TBL1X: variants seen among roughly 807,000 people sequenced by gnomAD.
The protein encoded by TBL1X is transducin beta like 1 X-linked.
A neutral mutation model predicts 50.7 loss-of-function variants in TBL1X; 10 were observed. That is an observed-to-expected ratio of 0.20 (90% CI 0.12 to 0.33). The LOEUF (loss-of-function observed/expected upper bound fraction) is 0.33. Ranked by LOEUF, TBL1X falls within the 10% of genes least tolerant of loss-of-function variation. The probability of loss-of-function intolerance (pLI) is 1.00; values close to 1 mark genes in which losing one functional copy is unlikely to be tolerated. For synonymous variants in TBL1X, 190 were observed against 214.7 expected (o/e 0.88, Z 1.01); for missense variants, 340 against 504.4 (o/e 0.67, Z 3.12).
intron 8 of TBL1X, 58 bp from the exon 9 acceptor site, chrX:9,692,055 A>G: frequency 1.7e-6 from 2 of 1,207,885 alleles, no homozygotes; most frequent in Non-Finnish European, 2.2e-6. Context: ...CAAGCTGTGG[A>G]GAGCTTCTTA....
intron 2 of TBL1X, among the ~76,000 whole-genome samples, chrX:9,639,162 T>G (rs2082762669): frequency 9.0e-6 from 1 of 111,232 alleles, no homozygotes; most frequent in Admixed American, 9.6e-5. Flanking sequence ...CTTGTAGGTT[T>G]TTTTTTAATC....
chrX:9,704,516 C>T (rs779740169), intron 12 of TBL1X, among the ~76,000 whole-genome samples: 3 of 111,442 alleles, frequency 2.7e-5, no homozygotes, highest in East Asian at 2.8e-4. Flanking sequence ...TCCCTGCCAA[C>T]GTGGCAGGAG....
intron 5 of TBL1X, among the ~76,000 whole-genome samples, chrX:9,657,652 C>T (rs2082872069): frequency 8.9e-6 from 1 of 112,671 alleles, no homozygotes; most frequent in Admixed American, 9.4e-5. Flanking sequence ...ATTTCCCTAC[C>T]TGTGTGGATT....
chrX:9,589,406 T>A (rs1258223797), intron 2 of TBL1X, among the ~76,000 whole-genome samples: 1 of 108,519 alleles, frequency 9.2e-6, no homozygotes, highest in Non-Finnish European at 1.9e-5. Flanking sequence ...CCCTTGTAGA[T>A]GCTACAAGGG....
At chrX:9,658,804 GT>G (rs1024829060) in intron 5 of TBL1X, among the ~76,000 whole-genome samples, 5 of 111,172 alleles carry the variant, frequency 4.5e-5, no homozygotes, top group African/African-American at 1.6e-4. Context: ...GAAAAATTTT[GT>G]TTTTTGAGAC....
chrX:9,519,725 T>C (rs1170601648), intron 2 of TBL1X, among the ~76,000 whole-genome samples: 1 of 111,933 alleles, frequency 8.9e-6, no homozygotes, highest in Non-Finnish European at 1.9e-5. Flanking sequence ...ATTTTCTTTC[T>C]TGACTTCTCC....
rs945879229 is a variant in TBL1X, at chrX:9,518,709, A to G, written c.-131+16860A>G. ...GTCATCTGAAAGATGACCTTTGTTCATGGCCTTTTTCTGTATCCTCCTCAG... is the reference window on the plus strand; with the variant it reads ...GTCATCTGAAAGATGACCTTTGTTCGTGGCCTTTTTCTGTATCCTCCTCAG... On this transcript the variant is annotated intron_variant, in intron 2 of 17. Transcript: ENST00000645353. Among the ~76,000 whole-genome samples the G allele has an allele frequency of 8.1e-5, 9 of 110,916 alleles. No individual in the cohort carries two copies. The Admixed American group carries it at 8.6e-4, about 11-fold the overall frequency.
At chrX:9,489,562 G>A (rs1468766174) in intron 1 of TBL1X, among the ~76,000 whole-genome samples, 1 of 111,581 alleles carries the variant, frequency 9.0e-6, no homozygotes, top group Non-Finnish European at 1.9e-5. Context: ...TAGGCTTAGG[G>A]TTGAAATGAT....
At chrX:9,681,604 A>C (rs1009267896) in intron 5 of TBL1X, among the ~76,000 whole-genome samples, 1 of 112,258 alleles carries the variant, frequency 8.9e-6, no homozygotes, top group African/African-American at 3.2e-5. Context: ...TGCGGGAATG[A>C]ATGAGTCAGA....
chrX:9,571,685 TC>T (rs1478603662), intron 2 of TBL1X, among the ~76,000 whole-genome samples: 4 of 112,240 alleles, frequency 3.6e-5, no homozygotes. Context: ...TCTAGGACTT[TC>T]CCAGCTTTCC....
At chrX:9,464,932 T>G (rs1355862228), upstream of TBL1X, 2 of 107,989 alleles carry the variant, frequency 1.9e-5, no homozygotes, top group Non-Finnish European at 3.9e-5. Flanking sequence ...AGGGGCTGGT[T>G]CGGGACGCGG....
In TBL1X at chrX:9,502,875, TAATC is replaced by T. The variant is rs2082008257; in HGVS notation, c.-131+1031_-131+1034del. On this transcript the variant is annotated intron_variant, in intron 2 of 17. Transcript: ENST00000645353. ...GAAGCAGAGAACATCCCTCACCAAATAATCAATCCTGCTGGTGCCTTAATTGTGA... is the reference window on the plus strand; with the variant it reads ...GAAGCAGAGAACATCCCTCACCAAATAATCCTGCTGGTGCCTTAATTGTGA... 3.6e-5 allele frequency among the ~76,000 whole-genome samples: 4 copies of T among 112,346 alleles called. No individual in the cohort carries two copies. In the Admixed American group the frequency reaches 3.8e-4, roughly 11 times the overall value.
intron 12 of TBL1X, among the ~76,000 whole-genome samples, chrX:9,700,499 G>T (rs143604452): frequency 0.012 from 1,335 of 112,062 alleles, 7 homozygotes; most frequent in Non-Finnish European, 0.018. Flanking sequence ...CCTGTGATCT[G>T]GCTGGCCATG....
chrX:9,684,311 G>A, intron 6 of TBL1X, 123 bp downstream of exon 6: 2 of 971,229 alleles, frequency 2.1e-6, no homozygotes, highest in South Asian at 2.4e-5. Context: ...GCGGCAGGGT[G>A]CAGTGGCTCA....
At chrX:9,534,698 G>T (rs1325668343) in intron 2 of TBL1X, among the ~76,000 whole-genome samples, 1 of 111,051 alleles carries the variant, frequency 9.0e-6, no homozygotes. Flanking sequence ...ACGGATGTTG[G>T]TACCTCCCTT....
intron 3 of TBL1X, among the ~76,000 whole-genome samples, chrX:9,641,434 TAA>T (rs773583560): frequency 1.8e-5 from 2 of 112,228 alleles, no homozygotes; most frequent in African/African-American, 3.2e-5. Flanking sequence ...CCTTTTTAGT[TAA>T]AAAAACAAAC....
At chrX:9,531,386 TGTGTGTGTGTGTGTGTTG>T in intron 2 of TBL1X, among the ~76,000 whole-genome samples, 1 of 106,552 alleles carries the variant, frequency 9.4e-6, no homozygotes, top group Non-Finnish European at 1.9e-5. Context: ...TGTGTGTGTG[TGTGTGTGTGTGTGTGTTG>T]GTGTGTGTTG....
intron 2 of TBL1X, among the ~76,000 whole-genome samples, chrX:9,596,445 A>G (rs1037776030): frequency 6.3e-5 from 7 of 111,492 alleles, no homozygotes; most frequent in African/African-American, 2.3e-4. Context: ...ACATTTGGCA[A>G]TATCTAGAGA....
chrX:9,537,963 G>T (rs192009696), intron 2 of TBL1X, among the ~76,000 whole-genome samples: 1 of 111,697 alleles, frequency 9.0e-6, no homozygotes, highest in Non-Finnish European at 1.9e-5. Context: ...GAGGCCACTC[G>T]AGGCAGGGGG....
Sources: gnomAD v4.1 joint callset for allele counts (sites outside exome capture counted in the v4.1 genomes callset) on GRCh38, gnomAD v4.1.1 for gene constraint, MANE v1.5 for transcripts, NCBI Gene and HGNC (gene_info 2026-07-23, HGNC 2026-07-21) for gene names.